ZMYND11: variants seen among roughly 807,000 people sequenced by gnomAD.
ZMYND11 encodes zinc finger MYND domain-containing protein 11.
Under a neutral mutation model 84.9 loss-of-function variants are expected in ZMYND11, and 9 were observed. That is an observed-to-expected ratio of 0.11 (90% CI 0.06 to 0.18). ZMYND11 has a LOEUF of 0.18. ZMYND11 is among the 10% of genes least tolerant of loss of function. The pLI, the probability that ZMYND11 is intolerant of heterozygous loss-of-function variation, is 1.00. For synonymous variants in ZMYND11, 250 were observed against 244.1 expected (o/e 1.02, Z -0.23); for missense variants, 409 against 761.0 (o/e 0.54, Z 5.44).
At chr10:245,773 G>T (rs971918351) in intron 10 of ZMYND11, among the ~76,000 whole-genome samples, 1 of 152,194 alleles carries the variant, frequency 6.6e-6, no homozygotes, top group African/African-American at 2.4e-5. Flanking sequence ...ACCACCTGCT[G>T]CATTGCATTA....
intron 1 of ZMYND11, among the ~76,000 whole-genome samples, chr10:145,992 C>T (rs1398223582): frequency 6.6e-6 from 1 of 152,002 alleles, no homozygotes; most frequent in Non-Finnish European, 1.5e-5. Flanking sequence ...ATGGTTTCTT[C>T]TAGAATTTTT....
In ZMYND11 at chr10:252,246, G is replaced by A. The variant is rs1311990621; in HGVS notation, c.1687-102G>A. 5 of 1,401,226 alleles carry A rather than the reference G, an allele frequency of 3.6e-6. No homozygotes were observed. In the African/African-American group the frequency reaches 7.2e-5, roughly 20 times the overall value. The allele number at this position is 1,401,226 out of a possible 1,614,324, so 86.8% of individuals were successfully genotyped here. A position where few individuals can be genotyped will look rare whatever the true frequency, so the allele number is the denominator to read the frequency against. On this transcript the variant is annotated intron_variant, in intron 14 of 14. Coordinates refer to ENST00000381604, the MANE Select transcript of ZMYND11 (RefSeq NM_001370100.5). This position sits in a 1 kb window ranked among gnomAD's most constrained non-coding sequence, Gnocchi z 4.6. ...TCAGATTCCACAAAAGGTTGAGCCA[G>A]AAAGATCTTTTAAAAGCACCACCTC...
chr10:243,667 C>T (rs978098180), intron 10 of ZMYND11, among the ~76,000 whole-genome samples: 1 of 152,174 alleles, frequency 6.6e-6, no homozygotes, highest in African/African-American at 2.4e-5. Flanking sequence ...AGATCGAGAC[C>T]ATCCTGGATA....
chr10:133,972 C>T (rs1035637437), upstream of ZMYND11, among the ~76,000 whole-genome samples: 1 of 152,064 alleles, frequency 6.6e-6, no homozygotes, highest in African/African-American at 2.4e-5. Context: ...TCTTAGAAAC[C>T]AGCTGTAGAA....
At chr10:141,345 A>G (rs1554753938) in intron 1 of ZMYND11, among the ~76,000 whole-genome samples, 2 of 152,164 alleles carry the variant, frequency 1.3e-5, no homozygotes, top group East Asian at 1.9e-4. Flanking sequence ...GGTTCTTGCC[A>G]TTGTAGAGTT....
chr10:216,441 G>T (rs1486125916), intron 3 of ZMYND11, among the ~76,000 whole-genome samples: 2 of 152,002 alleles, frequency 1.3e-5, no homozygotes, highest in African/African-American at 4.8e-5. Flanking sequence ...ATGCCCCTTG[G>T]ATACTGTTGA....
chr10:233,796 T>A (rs761403371), intron 4 of ZMYND11, among the ~76,000 whole-genome samples: 1 of 152,242 alleles, frequency 6.6e-6, no homozygotes, highest in African/African-American at 2.4e-5. Context: ...CATTTAGTTT[T>A]GTGAAATTAA....
At chr10:138,722 T>A (rs1836740215) in intron 1 of ZMYND11, among the ~76,000 whole-genome samples, 1 of 151,592 alleles carries the variant, frequency 6.6e-6, no homozygotes, top group African/African-American at 2.4e-5. Context: ...TGGAGAACAT[T>A]ATTACCTTTC....
rs771075899 is a variant in ZMYND11 at position 242,077 on chromosome 10, C to T, written c.888C>T (p.Ala296=). The T allele has an allele frequency of 1.2e-6, 2 of 1,614,022 alleles. No homozygotes were observed. The highest frequency in any genetic ancestry group is 1.7e-6 in the Non-Finnish European group (2 of 1,179,998). Reference sequence around the variant, plus strand: ...TGAAAGGTTTTGGGTTTTGGCCAGCCAAAGTCATGCAGAAAGAAGACAATC... The same window carrying T: ...TGAAAGGTTTTGGGTTTTGGCCAGCTAAAGTCATGCAGAAAGAAGACAATC... ...AKMKGFGFWP[A]KVMQKEDNQV... Residue 296 remains alanine, a synonymous_variant, in exon 10 of 15, where the codon GCC becomes GCT. Coordinates refer to ENST00000381604, the MANE Select transcript of ZMYND11 (RefSeq NM_001370100.5).
At chr10:134,613 T>C (rs915967545), upstream of ZMYND11, 1 of 152,216 alleles carries the variant, frequency 6.6e-6, no homozygotes, top group Non-Finnish European at 1.5e-5. Flanking sequence ...CTGTTCAGAC[T>C]ACCTAAACAA....
In ZMYND11 at chr10:249,037, G is replaced by C; in HGVS notation, c.1635G>C (p.Lys545Asn). 1 of 1,614,204 alleles carries C rather than the reference G, an allele frequency of 6.2e-7. No individual in the cohort carries two copies. Among genetic ancestry groups the C allele is most frequent in the Non-Finnish European group, 8.5e-7 (1 of 1,180,016 alleles). Reference sequence around the variant, plus strand: ...AAGAATTTGTAGAAGAAATCAAGAAGCTGGCAACACAGCACAAGCAACTGA... The same window carrying C: ...AAGAATTTGTAGAAGAAATCAAGAACCTGGCAACACAGCACAAGCAACTGA... ...CKEEFVEEIKKLATQHKQLIS... is the reference protein window; with the variant it reads ...CKEEFVEEIKNLATQHKQLIS... The change falls in exon 14 of 15, where the codon AAG (lysine) becomes AAC (asparagine). Residue 545 changes from lysine to asparagine, a missense_variant. By Grantham distance (94) the Lys-to-Asn change is moderately conservative. This residue lies in a region of ZMYND11 where 141 missense variants were observed against 173.8 expected (regional missense o/e 0.81). Coordinates refer to ENST00000381604, the MANE Select transcript of ZMYND11 (RefSeq NM_001370100.5).
intron 1 of ZMYND11, among the ~76,000 whole-genome samples, 193 bp from the exon 2 acceptor site, chr10:179,801 A>G (rs757646331): frequency 6.6e-5 from 10 of 152,152 alleles, no homozygotes; most frequent in Non-Finnish European, 1.3e-4. Flanking sequence ...GTCATTCTTC[A>G]TGATGTAATG....
At position 180,156 on chromosome 10, in the gene ZMYND11, T is replaced by C; in HGVS notation, c.116+28T>C. On this transcript the variant is annotated intron_variant, in intron 2 of 14. Transcript: ENST00000381604. ...AAGTAAATTTAAACACAAATATCTC[T>C]GTAAAATGTCGTAGAAGACTTTGGG... 9 of 1,572,530 alleles carry C rather than the reference T, an allele frequency of 5.7e-6. No homozygotes were observed. The South Asian group carries it at 6.8e-5, about 12-fold the overall frequency.
intron 1 of ZMYND11, among the ~76,000 whole-genome samples, chr10:151,579 C>G (rs1840384867): frequency 6.6e-6 from 1 of 152,136 alleles, no homozygotes; most frequent in Non-Finnish European, 1.5e-5. Flanking sequence ...AAGACCAAAT[C>G]TACGTCTGAT....
intron 1 of ZMYND11, among the ~76,000 whole-genome samples, chr10:177,095 G>A (rs1257430347): frequency 6.6e-6 from 1 of 152,064 alleles, no homozygotes; most frequent in Non-Finnish European, 1.5e-5. Flanking sequence ...ATTTTTGTCC[G>A]TTTTGCTTAT....
At chr10:217,207 C>CA (rs1946327892) in intron 3 of ZMYND11, among the ~76,000 whole-genome samples, 1 of 151,984 alleles carries the variant, frequency 6.6e-6, no homozygotes, top group Non-Finnish European at 1.5e-5. Flanking sequence ...GTCTCTAAGT[C>CA]AGAGTTAATA....
intron 1 of ZMYND11, among the ~76,000 whole-genome samples, chr10:156,157 G>A (rs1385804944): frequency 1.7e-4 from 26 of 152,184 alleles, no homozygotes; most frequent in Non-Finnish European, 1.5e-5. Flanking sequence ...GGATGCTGCT[G>A]AACATCTGAT....
chr10:203,736 C>T (rs1943643411), intron 2 of ZMYND11, among the ~76,000 whole-genome samples: 1 of 152,214 alleles, frequency 6.6e-6, no homozygotes, highest in East Asian at 1.9e-4. Context: ...AATGAAATTC[C>T]AAGGGGCATA....
intron 1 of ZMYND11, among the ~76,000 whole-genome samples, chr10:157,680 A>G (rs1299307122): frequency 2.0e-5 from 3 of 152,182 alleles, no homozygotes; most frequent in South Asian, 2.1e-4. Flanking sequence ...AATAGACGCT[A>G]TAAAAATAGT....
Sources: gnomAD v4.1 joint callset for allele counts (sites outside exome capture counted in the v4.1 genomes callset) on GRCh38, gnomAD v4.1.1 for gene constraint, gnomAD v4.1.1 regional missense constraint, Gnocchi (gnomAD v3.1) non-coding constraint, MANE v1.5 for transcripts, NCBI Gene and HGNC (gene_info 2026-07-23, HGNC 2026-07-21) for gene names.